Variants in TRIO observed in about 807,000 individuals in gnomAD.
The protein encoded by TRIO is trio Rho guanine nucleotide exchange factor.
Under a neutral mutation model 351.9 loss-of-function variants are expected in TRIO, and 58 were observed. That is an observed-to-expected ratio of 0.16 (90% CI 0.13 to 0.21). TRIO has a LOEUF of 0.21. Ranked by LOEUF, TRIO falls within the 10% of genes least tolerant of loss-of-function variation. TRIO has a pLI of 1.00. For missense variants in TRIO, 3,201 were observed against 4,027.8 expected, an observed-to-expected ratio of 0.79 and a Z score of 5.56; for synonymous variants, 1,758 against 1,595.7, an observed-to-expected ratio of 1.10 and a Z score of -2.42.
intron 43 of TRIO, 123 bp downstream of exon 43, chr5:14,480,134 C>A: frequency 1.2e-6 from 1 of 817,348 alleles, no homozygotes; most frequent in Non-Finnish European, 1.9e-6. Context: ...TATATTATTT[C>A]TGATAAGTTA....
Position 14,396,443 on chromosome 5 carries a change from C to CTTTTT in TRIO, c.4312-560_4312-556dup, listed in dbSNP as rs1173121592. Among the ~76,000 whole-genome samples, 60 of 41,552 alleles carry CTTTTT rather than the reference C, an allele frequency of 1.4e-3. 10 individuals carry two copies. The highest frequency in any genetic ancestry group is 2.6e-3 in the East Asian group (2 of 762). The allele number at this position is 41,552 out of a possible 152,430, so 27.3% of individuals were successfully genotyped here. On this transcript the variant is annotated intron_variant, in intron 28 of 56. Transcript: ENST00000344204. Reference sequence around the variant, plus strand: ...ATAATAATTAAATATTTCTATTTATCTTTTTTTTTTTTTTTTTTTTTTTTT... The same window carrying CTTTTT: ...ATAATAATTAAATATTTCTATTTATCTTTTTTTTTTTTTTTTTTTTTTTTTTTTTT...
chr5:14,436,709 C>T (rs1032957590), intron 34 of TRIO, among the ~76,000 whole-genome samples: 7 of 152,242 alleles, frequency 4.6e-5, no homozygotes, highest in African/African-American at 1.7e-4. Flanking sequence ...GGCTACAGAC[C>T]CCATGCAAGT....
intron 9 of TRIO, among the ~76,000 whole-genome samples, chr5:14,325,543 C>T (rs1414294851): frequency 6.6e-6 from 1 of 152,196 alleles, no homozygotes; most frequent in Non-Finnish European, 1.5e-5. Context: ...GGTATCAGGC[C>T]ATTGATGAGG....
In TRIO at chr5:14,357,211, C is replaced by T. The variant is rs904966798; in HGVS notation, c.2047-967C>T. On this transcript the variant is annotated intron_variant, in intron 11 of 56. Coordinates refer to ENST00000344204, the MANE Select transcript of TRIO (RefSeq NM_007118.4). ...GAGTCTTGAGGCAGCAGGCGTTGCACAGGGTATCAAGCGGGAGGTCCCGAC... is the reference window on the plus strand; with the variant it reads ...GAGTCTTGAGGCAGCAGGCGTTGCATAGGGTATCAAGCGGGAGGTCCCGAC... 3.3e-4 allele frequency among the ~76,000 whole-genome samples: 50 copies of T among 152,228 alleles called. 1 individual carries two copies. Among genetic ancestry groups the T allele is most frequent in the Non-Finnish European group, 7.3e-5 (5 of 68,044 alleles).
chr5:14,419,450 T>A (rs978069181), intron 33 of TRIO, among the ~76,000 whole-genome samples: 56 of 152,342 alleles, frequency 3.7e-4, no homozygotes, highest in African/African-American at 1.3e-3. Flanking sequence ...AACAGAACTT[T>A]ATCTCATTTT....
intron 1 of TRIO, among the ~76,000 whole-genome samples, chr5:14,236,725 G>C (rs115159514): frequency 0.014 from 2,125 of 152,130 alleles, 33 homozygotes; most frequent in African/African-American, 0.048. Flanking sequence ...AATTCATATA[G>C]CATACAATTT....
intron 11 of TRIO, among the ~76,000 whole-genome samples, chr5:14,343,512 G>A (rs1222411243): frequency 6.6e-6 from 1 of 152,202 alleles, no homozygotes; most frequent in Non-Finnish European, 1.5e-5. Context: ...CATGCAGCAT[G>A]TAACTTTTTG....
At chr5:14,305,225 C>T (rs574832918) in intron 8 of TRIO, among the ~76,000 whole-genome samples, 10 of 152,330 alleles carry the variant, frequency 6.6e-5, no homozygotes, top group Admixed American at 4.6e-4. Context: ...AGGGTTAGCC[C>T]AGGCAGGCAG....
intron 34 of TRIO, among the ~76,000 whole-genome samples, chr5:14,428,616 G>A (rs1187784451): frequency 6.6e-6 from 1 of 152,186 alleles, no homozygotes; most frequent in Non-Finnish European, 1.5e-5. Flanking sequence ...ACACAAGTGG[G>A]CCATTACTCT....
chr5:14,425,858 C>T (rs1205657420), intron 34 of TRIO, among the ~76,000 whole-genome samples: 1 of 152,170 alleles, frequency 6.6e-6, no homozygotes, highest in Non-Finnish European at 1.5e-5. Flanking sequence ...CTCAGACTTC[C>T]CAGCCTCGAA....
At chr5:14,328,586 T>C (rs1740624993) in intron 9 of TRIO, among the ~76,000 whole-genome samples, 1 of 152,258 alleles carries the variant, frequency 6.6e-6, no homozygotes, top group African/African-American at 2.4e-5. Flanking sequence ...AAATGGAATA[T>C]GTACAGCCTG....
intron 5 of TRIO, 98 bp downstream of exon 5, chr5:14,291,326 C>T: frequency 7.9e-7 from 1 of 1,271,850 alleles, no homozygotes; most frequent in South Asian, 1.5e-5. Context: ...AATGGTAAGG[C>T]TATACTCACC....
intron 34 of TRIO, among the ~76,000 whole-genome samples, chr5:14,449,852 C>A (rs527731161): frequency 6.6e-6 from 1 of 152,162 alleles, no homozygotes; most frequent in Admixed American, 6.5e-5. Context: ...AAGGATCTTA[C>A]CATCTGTTTT....
chr5:14,311,699 TG>T (rs1738949989), intron 8 of TRIO, among the ~76,000 whole-genome samples: 1 of 152,150 alleles, frequency 6.6e-6, no homozygotes, highest in Non-Finnish European at 1.5e-5. Context: ...CAGCAAGAGT[TG>T]GAGAGGAGAG....
intron 47 of TRIO, among the ~76,000 whole-genome samples, chr5:14,486,634 G>C (rs74737386): frequency 0.013 from 1,934 of 152,232 alleles, 41 homozygotes; most frequent in African/African-American, 0.044. Flanking sequence ...CAGATTGCAC[G>C]CATGGTCTGT....
chr5:14,416,377 G>T (rs1381312938), intron 33 of TRIO, among the ~76,000 whole-genome samples: 1 of 151,898 alleles, frequency 6.6e-6, no homozygotes, highest in Admixed American at 6.6e-5. Flanking sequence ...GAGCATTGAG[G>T]TGCATCCCCA....
chr5:14,336,862 G>C (rs925369999), intron 11 of TRIO, 135 bp downstream of exon 11: 4 of 913,690 alleles, frequency 4.4e-6, no homozygotes, highest in Non-Finnish European at 6.7e-6. Flanking sequence ...CATTAGTGCT[G>C]AGTGTGTCTG....
chr5:14,448,052 G>T (rs27113), intron 34 of TRIO, among the ~76,000 whole-genome samples: 3 of 152,146 alleles, frequency 2.0e-5, no homozygotes, highest in Non-Finnish European at 2.9e-5. Flanking sequence ...TTTTATAACA[G>T]GGAGAACTTC....
At position 14,143,639 on chromosome 5, in the gene TRIO, G is replaced by A. The variant is rs1787308598; in HGVS notation, c.-87G>A. On this transcript the variant is annotated 5_prime_UTR_variant, in exon 1 of 57. Coordinates refer to ENST00000344204, the MANE Select transcript of TRIO (RefSeq NM_007118.4). ...GGGCGCGGGCAGCTGGGTGCTCGGC[G>A]CCGCCAGGCCCGGCGCGGAGCGGGC... 1.7e-6 allele frequency: 1 copy of A among 596,156 alleles called. No homozygotes were observed. Among genetic ancestry groups the A allele is most frequent in the Non-Finnish European group, 2.1e-6 (1 of 477,760 alleles). The allele number at this position is 596,156 out of a possible 1,614,324, so 36.9% of individuals were successfully genotyped here. A position where few individuals can be genotyped will look rare whatever the true frequency, so the allele number is the denominator to read the frequency against.
Sources: gnomAD v4.1 joint callset for allele counts (sites outside exome capture counted in the v4.1 genomes callset) on GRCh38, gnomAD v4.1.1 for gene constraint, MANE v1.5 for transcripts, NCBI Gene and HGNC (gene_info 2026-07-23, HGNC 2026-07-21) for gene names.